Variants in TMEM70 observed in about 807,000 individuals in gnomAD.
TMEM70 encodes the protein transmembrane protein 70.
A neutral mutation model predicts 20.5 loss-of-function variants in TMEM70; 15 were observed. That is an observed-to-expected ratio of 0.73 (90% CI 0.49 to 1.13). The LOEUF (loss-of-function observed/expected upper bound fraction) is 1.13. Among genes scored for constraint, TMEM70 ranks in the 50% most tolerant of loss-of-function variants. The pLI is 0.00. For missense variants in TMEM70, 344 were observed against 331.7 expected (o/e 1.04, Z -0.29); for synonymous variants, 141 against 134.2 (o/e 1.05, Z -0.35).
intron 2 of TMEM70, among the ~76,000 whole-genome samples, chr8:73,980,072 G>GT (rs1463037953): frequency 6.6e-6 from 1 of 152,050 alleles, no homozygotes; most frequent in Non-Finnish European, 1.5e-5. Flanking sequence ...TGGTATCTCA[G>GT]TGTTTTTTTT....
At chr8:73,976,618 C>T (rs1815656276) in intron 1 of TMEM70, 127 bp downstream of exon 1, 2 of 986,406 alleles carry the variant, frequency 2.0e-6, no homozygotes, top group Non-Finnish European at 2.9e-6. Context: ...GGGAGGAGCC[C>T]CCTCTGCGGG....
intron 1 of TMEM70, among the ~76,000 whole-genome samples, chr8:73,977,645 A>G (rs568070247): frequency 6.6e-6 from 1 of 152,236 alleles, no homozygotes; most frequent in African/African-American, 2.4e-5. Context: ...TTTGCGGAGT[A>G]TTTTACTTAA....
At position 73,980,349 on chromosome 8, in the gene TMEM70, T is replaced by C. The variant is rs118132118; in HGVS notation, c.317-806T>C. Among the ~76,000 whole-genome samples, 551 of 152,194 alleles carry C rather than the reference T, an allele frequency of 3.6e-3. 5 individuals carry two copies. The Middle Eastern group carries it at 0.041, about 11-fold the overall frequency. On this transcript the variant is annotated intron_variant, in intron 2 of 2. Coordinates refer to ENST00000312184, the MANE Select transcript of TMEM70 (RefSeq NM_017866.6). Reference sequence around the variant, plus strand: ...TGAATGTCTTTCCTTACTAAAGAAATTGAATACCTTTCCCATATGTTTCTG... The same window carrying C: ...TGAATGTCTTTCCTTACTAAAGAAACTGAATACCTTTCCCATATGTTTCTG...
At position 73,978,869 on chromosome 8, in the gene TMEM70, A is replaced by G; in HGVS notation, c.316+8A>G. ...TGGCCCGAGCAGTGTTTGGTAAGTAATTGGAGGTGGGTGTACTTACTTTGT... is the reference window on the plus strand; with the variant it reads ...TGGCCCGAGCAGTGTTTGGTAAGTAGTTGGAGGTGGGTGTACTTACTTTGT... On this transcript the variant is annotated splice_region_variant and intron_variant, in intron 2 of 2. Transcript: ENST00000312184. 3 of 1,614,042 alleles carry G rather than the reference A, an allele frequency of 1.9e-6. No homozygotes were observed. Among genetic ancestry groups the G allele is most frequent in the Non-Finnish European group, 8.5e-7 (1 of 1,179,966 alleles).
chr8:73,976,551 C>A (rs1815653810), intron 1 of TMEM70, 60 bp downstream of exon 1: 3 of 1,412,808 alleles, frequency 2.1e-6, no homozygotes, highest in Admixed American at 2.6e-5. Flanking sequence ...TCGTGTCGGG[C>A]CTGGGGAGCC....
rs1285682769 is a variant in TMEM70 at position 73,981,518 on chromosome 8, C to G, written c.680C>G (p.Pro227Arg). The G allele has an allele frequency of 6.2e-7, 1 of 1,613,742 alleles. No homozygotes were observed. Among genetic ancestry groups the G allele is most frequent in the South Asian group, 1.1e-5 (1 of 91,074 alleles). ...CTGTTAGTTAATCCAGTGCTCTTTCCAAACCGTGAAGACTATATCCATCTA... is the reference window on the plus strand; with the variant it reads ...CTGTTAGTTAATCCAGTGCTCTTTCGAAACCGTGAAGACTATATCCATCTA... Reference protein sequence around the residue: ...KSLLVNPVLFPNREDYIHLMG... With the variant: ...KSLLVNPVLFRNREDYIHLMG... The change falls in exon 3 of 3, where the codon CCA becomes CGA. Residue 227 changes from proline to arginine, a missense_variant. Pro to Arg is a moderately radical substitution (Grantham distance 103, BLOSUM62 -2). Coordinates refer to ENST00000312184, the MANE Select transcript of TMEM70 (RefSeq NM_017866.6).
chr8:73,976,655 C>T (rs1456004057), intron 1 of TMEM70, among the ~76,000 whole-genome samples, 164 bp downstream of exon 1: 1 of 152,246 alleles, frequency 6.6e-6, no homozygotes, highest in Non-Finnish European at 1.5e-5. Flanking sequence ...GGCCGAGGGC[C>T]CCGGGGTCCT....
intron 2 of TMEM70, among the ~76,000 whole-genome samples, chr8:73,979,529 C>T (rs898421717): frequency 6.6e-6 from 1 of 152,034 alleles, no homozygotes; most frequent in Non-Finnish European, 1.5e-5. Context: ...CATTTTAAGT[C>T]ATTTTTTATT....
Position 73,981,769 on chromosome 8 carries a change from T to G in TMEM70, c.*148T>G. The G allele has an allele frequency of 1.3e-6, 1 of 773,908 alleles. No homozygotes were observed. The highest frequency in any genetic ancestry group is 2.2e-6 in the Non-Finnish European group (1 of 454,856). The allele number at this position is 773,908 out of a possible 1,614,324, so 47.9% of individuals were successfully genotyped here. A position where few individuals can be genotyped will look rare whatever the true frequency, so the allele number is the denominator to read the frequency against. ...ATTTCCAGAGAATGATGTTTGTTTA[T>G]AATAAAACAAGCTATGTTTGAAAAC... On this transcript the variant is annotated 3_prime_UTR_variant, in exon 3 of 3. Coordinates refer to ENST00000312184, the MANE Select transcript of TMEM70 (RefSeq NM_017866.6).
In TMEM70 at chr8:73,978,814, A is replaced by G. The variant is rs148312354; in HGVS notation, c.269A>G (p.Glu90Gly). 1.2e-6 allele frequency: 2 copies of G among 1,613,910 alleles called. No homozygotes were observed. Among genetic ancestry groups the G allele is most frequent in the African/African-American group, 1.3e-5 (1 of 74,944 alleles). Reference protein sequence around the residue: ...RFLNTPSDKSEDGRLIYTGNM... With the variant: ...RFLNTPSDKSGDGRLIYTGNM... ...TTAAATACGCCATCTGACAAATCAG[A>G]AGATGGAAGGCTAATTTATACTGGC... is the stretch of plus-strand genomic sequence containing the variant. Residue 90 changes from glutamate to glycine, a missense_variant, in exon 2 of 3, where the codon GAA (glutamate) becomes GGA (glycine). By Grantham distance (98) the Glu-to-Gly change is moderately conservative. Transcript: ENST00000312184.
Position 73,981,312 on chromosome 8 carries a change from G to A in TMEM70, c.474G>A (p.Leu158=). ...GCTTTACGGTGATCACCCCAGTGCT[G>A]CTTCACTTTATTACAAAAGGCTATG... ...MGSFTVITPV[L]LHFITKGYVI... The change falls in exon 3 of 3, where the codon CTG becomes CTA. Residue 158 remains leucine (L), a synonymous_variant. Coordinates refer to ENST00000312184, the MANE Select transcript of TMEM70 (RefSeq NM_017866.6). 1 of 1,614,134 alleles carries A rather than the reference G, an allele frequency of 6.2e-7. No homozygotes were observed. Among genetic ancestry groups the A allele is most frequent in the Non-Finnish European group, 8.5e-7 (1 of 1,180,032 alleles).
intron 2 of TMEM70, 78 bp downstream of exon 2, chr8:73,978,939 T>G: frequency 6.6e-7 from 1 of 1,517,218 alleles, no homozygotes. Context: ...ATATCTTACT[T>G]GTTGTTATGG....
rs781697657 is a variant in TMEM70 at position 73,976,448 on chromosome 8, C to T, written c.167C>T (p.Pro56Leu). The change falls in exon 1 of 3, where the codon CCT (proline) becomes CTT (leucine). Residue 56 changes from proline to leucine, a missense_variant. Coordinates refer to ENST00000312184, the MANE Select transcript of TMEM70 (RefSeq NM_017866.6). ...CCGGTAGCCGGCTGGAGTACGGGGC[C>T]TTCGGGAGCCGCGCGCCTTCTCCGG... ...SGPVAGWSTG[P>L]SGAARLLRRP... 2 of 1,557,658 alleles carry T rather than the reference C, an allele frequency of 1.3e-6. No individual in the cohort carries two copies. The highest frequency in any genetic ancestry group is 1.9e-5 in the Admixed American group (1 of 52,920).
chr8:73,980,286 G>C (rs542553264), intron 2 of TMEM70, among the ~76,000 whole-genome samples: 3 of 151,976 alleles, frequency 2.0e-5, no homozygotes, highest in Admixed American at 6.6e-5. Flanking sequence ...ACAGGATTTC[G>C]CCATGCTGGC....
chr8:73,977,943 G>A (rs1005815174), intron 1 of TMEM70, among the ~76,000 whole-genome samples: 1 of 152,178 alleles, frequency 6.6e-6, no homozygotes, highest in Non-Finnish European at 1.5e-5. Flanking sequence ...GGGATGCTAA[G>A]CTAACAAACT....
At chr8:73,977,405 C>G (rs1815679439) in intron 1 of TMEM70, among the ~76,000 whole-genome samples, 2 of 152,130 alleles carry the variant, frequency 1.3e-5, no homozygotes, top group Admixed American at 1.3e-4. Flanking sequence ...CCAGGCTCGT[C>G]TTAAACTCCT....
chr8:73,981,578 T>C lies in TMEM70; in HGVS notation c.740T>C (p.Met247Thr), dbSNP rs753940409. 2.2e-5 allele frequency: 36 copies of C among 1,612,818 alleles called. 1 individual carries two copies. The South Asian group carries it at 3.1e-4, about 14-fold the overall frequency. The change falls in exon 3 of 3, where the codon ATG (methionine) becomes ACG (threonine). Residue 247 changes from methionine to threonine, a missense_variant. By Grantham distance (81) the Met-to-Thr change is moderately conservative (BLOSUM62 -1). Coordinates refer to ENST00000312184, the MANE Select transcript of TMEM70 (RefSeq NM_017866.6). ...GYDKEEFILY[M>T]EETSEEKRHK... ...GACAAAGAAGAATTTATTTTGTATA[T>C]GGAAGAAACCAGTGAAGAGAAACGG...
Position 73,981,524 on chromosome 8 carries a change from G to A in TMEM70, c.686G>A (p.Arg229His), listed in dbSNP as rs747991849. ...GTTAATCCAGTGCTCTTTCCAAACCGTGAAGACTATATCCATCTAATGGGT... is the reference window on the plus strand; with the variant it reads ...GTTAATCCAGTGCTCTTTCCAAACCATGAAGACTATATCCATCTAATGGGT... ...LLVNPVLFPN[R>H]EDYIHLMGYD... The change falls in exon 3 of 3, where the codon CGT (arginine) becomes CAT (histidine). Residue 229 changes from arginine to histidine, a missense_variant. Coordinates refer to ENST00000312184, the MANE Select transcript of TMEM70 (RefSeq NM_017866.6). The A allele has an allele frequency of 8.1e-6, 13 of 1,613,724 alleles. No individual in the cohort carries two copies. Among genetic ancestry groups the A allele is most frequent in the Non-Finnish European group, 9.3e-6 (11 of 1,179,800 alleles).
In TMEM70 at chr8:73,981,858, A is replaced by G. The variant is rs544358783; in HGVS notation, c.*237A>G. 4.9e-6 allele frequency: 3 copies of G among 614,190 alleles called. No individual in the cohort carries two copies. Among genetic ancestry groups the G allele is most frequent in the African/African-American group, 1.8e-5 (1 of 55,370 alleles). 38.0% of individuals were successfully genotyped at this position (614,190 alleles called of 1,614,324 possible). On this transcript the variant is annotated 3_prime_UTR_variant, in exon 3 of 3. Transcript: ENST00000312184. ...TGTGAATAAATATGTTCATGCTAGT[A>G]TAAGAGTTCTGTGTTACTGTGGTTG...
Sources: allele counts gnomAD v4.1 joint callset (sites outside exome capture counted in the v4.1 genomes callset), GRCh38; gene constraint gnomAD v4.1.1; transcripts MANE v1.5; gene names NCBI Gene and HGNC (gene_info 2026-07-23, HGNC 2026-07-21).